KCNT2: variants seen among roughly 807,000 people sequenced by gnomAD.
KCNT2 encodes potassium channel subfamily T member 2.
KCNT2 carries 67 observed loss-of-function variants against 153.8 expected under a neutral mutation model. The ratio of observed to expected loss-of-function variants is 0.44; its 90% CI spans 0.36 to 0.53. The LOEUF is 0.53. Among genes scored for constraint, KCNT2 ranks in the 20% least tolerant of loss-of-function variants. KCNT2 has a pLI of 0.00. For synonymous variants in KCNT2, 500 were observed against 458.8 expected (o/e 1.09, Z -1.15); for missense variants, 975 against 1,354.8 (o/e 0.72, Z 4.40).
chr1:196,398,695 T>C, intron 12 of KCNT2, 24 bp from the exon 13 acceptor site: 1 of 1,189,244 alleles, frequency 8.4e-7, no homozygotes, highest in Non-Finnish European at 1.2e-6. Flanking sequence ...AATAAAAACA[T>C]CATAGCATAA....
intron 8 of KCNT2, among the ~76,000 whole-genome samples, chr1:196,462,439 A>G (rs1040951384): frequency 6.6e-6 from 1 of 151,686 alleles, no homozygotes; most frequent in Admixed American, 6.6e-5. Context: ...CAGTGGTGAA[A>G]GATGTTTTCT....
At chr1:196,517,549 T>A (rs1213031942) in intron 1 of KCNT2, among the ~76,000 whole-genome samples, 4 of 152,006 alleles carry the variant, frequency 2.6e-5, no homozygotes, top group African/African-American at 9.6e-5. Flanking sequence ...AGGTGACAGA[T>A]GAAATAGCCA....
At chr1:196,339,508 C>CACACAGAGATATGAAGAG (rs1665382804) in intron 16 of KCNT2, among the ~76,000 whole-genome samples, 2 of 59,578 alleles carry the variant, frequency 3.4e-5, no homozygotes, top group African/African-American at 1.8e-4. Flanking sequence ...TATGAAGAGA[C>CACACAGAGATATGAAGAG]ACACACACAC....
chr1:196,579,120 A>G (rs1661714288), intron 1 of KCNT2, among the ~76,000 whole-genome samples: 1 of 152,158 alleles, frequency 6.6e-6, no homozygotes, highest in South Asian at 2.1e-4. Flanking sequence ...TGCACAACGT[A>G]TGGGTTTGGA....
chr1:196,557,043 A>G (rs1226884849), intron 1 of KCNT2, among the ~76,000 whole-genome samples: 1 of 151,176 alleles, frequency 6.6e-6, no homozygotes, highest in African/African-American at 2.4e-5. Context: ...CAAAAAATAT[A>G]GAGTTAGGAA....
chr1:196,489,738 T>C (rs146417075), intron 3 of KCNT2, 100 bp downstream of exon 3: 7,025 of 685,932 alleles, frequency 0.01, 200 homozygotes, highest in South Asian at 0.068. Flanking sequence ...TAAAATACCC[T>C]TAAAAATTAA....
At chr1:196,458,885 T>C (rs1676911523) in intron 8 of KCNT2, among the ~76,000 whole-genome samples, 1 of 151,942 alleles carries the variant, frequency 6.6e-6, no homozygotes, top group African/African-American at 2.4e-5. Flanking sequence ...TAATTAGCAA[T>C]GGCATTCTGT....
At chr1:196,303,413 T>A (rs922126042) in intron 22 of KCNT2, among the ~76,000 whole-genome samples, 1 of 152,176 alleles carries the variant, frequency 6.6e-6, no homozygotes. Flanking sequence ...ATTTTTCTTC[T>A]TTTTCCCTAA....
intron 22 of KCNT2, among the ~76,000 whole-genome samples, chr1:196,300,769 C>A (rs1476867265): frequency 6.6e-6 from 1 of 152,084 alleles, no homozygotes; most frequent in Non-Finnish European, 1.5e-5. Context: ...TTATATTTTT[C>A]TCTTGTTAAT....
At chr1:196,333,090 G>C (rs1034341597) in intron 17 of KCNT2, among the ~76,000 whole-genome samples, 6 of 148,724 alleles carry the variant, frequency 4.0e-5, no homozygotes, top group African/African-American at 1.5e-4. Flanking sequence ...GTGCCCAGCT[G>C]CAAGTTTTTT....
intron 26 of KCNT2, among the ~76,000 whole-genome samples, chr1:196,249,854 T>C (rs1291893464): frequency 6.6e-6 from 1 of 151,638 alleles, no homozygotes; most frequent in Non-Finnish European, 1.5e-5. Flanking sequence ...CCATTTACAA[T>C]AGCCACAAAT....
chr1:196,295,288 C>A (rs1412362193), intron 22 of KCNT2, among the ~76,000 whole-genome samples: 1 of 151,830 alleles, frequency 6.6e-6, no homozygotes, highest in Non-Finnish European at 1.5e-5. Context: ...AGTGTTCTTT[C>A]TTGTGCTTTT....
intron 11 of KCNT2, among the ~76,000 whole-genome samples, chr1:196,423,695 C>A (rs1456375510): frequency 1.3e-5 from 2 of 148,402 alleles, no homozygotes; most frequent in South Asian, 2.2e-4. Flanking sequence ...AATGAGGAAT[C>A]ATTTATCTCT....
At chr1:196,487,405 A>G (rs1309116709) in intron 3 of KCNT2, among the ~76,000 whole-genome samples, 2 of 55,858 alleles carry the variant, frequency 3.6e-5, no homozygotes, top group Non-Finnish European at 5.1e-5. Context: ...CTACCATGTT[A>G]TGGAGTGTGT....
rs1250353927 is a variant in KCNT2, at chr1:196,412,214, A to T, written c.1185+10836T>A. Among the ~76,000 whole-genome samples, 4 of 151,812 alleles carry T rather than the reference A, an allele frequency of 2.6e-5. No individual in the cohort carries two copies. In the South Asian group the frequency reaches 6.2e-4, roughly 24 times the overall value. On this transcript the variant is annotated intron_variant, in intron 12 of 27. Coordinates refer to ENST00000294725, the MANE Select transcript of KCNT2 (RefSeq NM_198503.5). ...CAGTGTTCTCTTTTTAATAATTTTC[A>T]CTAACATTGTACACATTTATTTAAT...
At chr1:196,474,998 C>G (rs1036894605) in intron 5 of KCNT2, among the ~76,000 whole-genome samples, 2 of 152,182 alleles carry the variant, frequency 1.3e-5, no homozygotes, top group Admixed American at 6.5e-5. Flanking sequence ...TCAAAACCTA[C>G]AGTCTCAATG....
chr1:196,528,394 A>T (rs2148841617), intron 1 of KCNT2, among the ~76,000 whole-genome samples: 1 of 152,256 alleles, frequency 6.6e-6, no homozygotes, highest in South Asian at 2.1e-4. Flanking sequence ...CTATGTTGCC[A>T]TTTCCATTGA....
Position 196,398,647 on chromosome 1 carries a change from A to G in KCNT2, c.1210T>C (p.Trp404Arg), listed in dbSNP as rs1292325823. Residue 404 changes from tryptophan to arginine, a missense_variant, in exon 13 of 28, where the codon TGG becomes CGG. Trp to Arg is a moderately radical substitution (Grantham distance 101, BLOSUM62 -3). Around this residue, in one of 6 missense-constraint regions of KCNT2, gnomAD observed 202 missense variants for 314.9 expected, o/e 0.64. Transcript: ENST00000294725. The part of the protein sequence containing the change: ...SSDHQTILRA[W>R]AVKDFAPNCP... ...TTTGGAGCAAAATCTTTCACAGCCCATGCTCTCAAAATTGTTTGGTGATCC... is the reference window on the plus strand; with the variant it reads ...TTTGGAGCAAAATCTTTCACAGCCCGTGCTCTCAAAATTGTTTGGTGATCC... 1 of 1,603,966 alleles carries G rather than the reference A, an allele frequency of 6.2e-7. No individual in the cohort carries two copies. Among genetic ancestry groups the G allele is most frequent in the Non-Finnish European group, 8.5e-7 (1 of 1,172,274 alleles).
chr1:196,577,433 G>C (rs1661498155), intron 1 of KCNT2, among the ~76,000 whole-genome samples: 2 of 152,138 alleles, frequency 1.3e-5, no homozygotes, highest in Admixed American at 1.3e-4. Context: ...GCACAGAGAT[G>C]AGTGTCTGAA....
Sources: gnomAD v4.1 joint callset for allele counts (sites outside exome capture counted in the v4.1 genomes callset) on GRCh38, gnomAD v4.1.1 for gene constraint, gnomAD v4.1.1 regional missense constraint, MANE v1.5 for transcripts, NCBI Gene and HGNC (gene_info 2026-07-23, HGNC 2026-07-21) for gene names.